The following RAPGEF1 variants were observed in gnomAD, a reference collection of about 807,000 sequenced individuals.
RAPGEF1 encodes the protein CRK SH3-binding GNRP.
In RAPGEF1, 33 loss-of-function variants were observed where a neutral mutation model predicts 143.3. That is an observed-to-expected ratio of 0.23 (90% CI 0.17 to 0.31). The LOEUF (loss-of-function observed/expected upper bound fraction) is 0.31. Ranked by LOEUF, RAPGEF1 falls within the 10% of genes least tolerant of loss-of-function variation. The pLI is 1.00. For missense variants in RAPGEF1, 1,199 were observed against 1,645.4 expected (o/e 0.73, Z 4.69); for synonymous variants, 629 against 676.5 (o/e 0.93, Z 1.09).
chr9:131,681,745 G>A (rs367564623), intron 1 of RAPGEF1, among the ~76,000 whole-genome samples: 19 of 152,118 alleles, frequency 1.2e-4, no homozygotes, highest in African/African-American at 3.1e-4. Context: ...TCATCATGCC[G>A]GATGATGCCA....
At chr9:131,717,724 A>C (rs1251268639) in intron 1 of RAPGEF1, among the ~76,000 whole-genome samples, 3 of 141,776 alleles carry the variant, frequency 2.1e-5, no homozygotes, top group African/African-American at 5.1e-5. Flanking sequence ...CCAAGACTGC[A>C]CCACTGCACT....
chr9:131,676,366 G>C (rs752363062), intron 1 of RAPGEF1, among the ~76,000 whole-genome samples: 1 of 152,208 alleles, frequency 6.6e-6, no homozygotes, highest in Non-Finnish European at 1.5e-5. Context: ...TCACCTGTGT[G>C]GGGGACTGAG....
Position 131,604,990 on chromosome 9 carries a change from C to T in RAPGEF1, c.2260G>A (p.Glu754Lys). Reference sequence around the variant, plus strand: ...ACAGTATTCCCATGAAAGCTGCTCTCCTGAGAAGCCGAGAGAGGCCCGTCC... The same window carrying T: ...ACAGTATTCCCATGAAAGCTGCTCTTCTGAGAAGCCGAGAGAGGCCCGTCC... ...TVDGPLSASQ[E>K]SSFHGNTVCL... is the part of the protein sequence containing the mutation. Residue 754 changes from glutamate to lysine, a missense_variant, in exon 13 of 27, where the codon GAG (glutamate) becomes AAG (lysine). By Grantham distance (56) the Glu-to-Lys change is moderately conservative. Coordinates refer to ENST00000683357, the MANE Select transcript of RAPGEF1 (RefSeq NM_001377935.1). 1 of 1,343,360 alleles carries T rather than the reference C, an allele frequency of 7.4e-7. No homozygotes were observed. The highest frequency in any genetic ancestry group is 9.9e-7 in the Non-Finnish European group (1 of 1,010,778). 83.2% of individuals were successfully genotyped at this position (1,343,360 alleles called of 1,614,324 possible).
chr9:131,615,471 C>A (rs1332930610), intron 12 of RAPGEF1, among the ~76,000 whole-genome samples: 1 of 152,170 alleles, frequency 6.6e-6, no homozygotes, highest in Non-Finnish European at 1.5e-5. Flanking sequence ...CGGTCTGAAG[C>A]CTGTGCAGGG....
intron 1 of RAPGEF1, chr9:131,709,757 T>C (rs1835374631): frequency 3.7e-6 from 6 of 1,608,042 alleles, no homozygotes; most frequent in Non-Finnish European, 5.1e-6. Flanking sequence ...ACCGAGTCAC[T>C]GGCTGAAAGG....
chr9:131,733,152 G>C (rs1837188870), intron 1 of RAPGEF1, among the ~76,000 whole-genome samples: 1 of 152,020 alleles, frequency 6.6e-6, no homozygotes, highest in African/African-American at 2.4e-5. Flanking sequence ...AAGCAGGAAG[G>C]ACTGCATTCA....
At chr9:131,582,576 G>T in intron 25 of RAPGEF1, 29 bp downstream of exon 25, 1 of 1,451,374 alleles carries the variant, frequency 6.9e-7, no homozygotes, top group Non-Finnish European at 9.1e-7. Context: ...CCCAGGCGGG[G>T]CTGGGGGCCT....
Position 131,578,558 on chromosome 9 carries a change from C to A in RAPGEF1, c.*939G>T, listed in dbSNP as rs1003874230. 7.9e-5 allele frequency: 12 copies of A among 152,528 alleles called. No homozygotes were observed. The highest frequency in any genetic ancestry group is 2.9e-4 in the African/African-American group (12 of 41,418). 9.4% of individuals were successfully genotyped at this position (152,528 alleles called of 1,614,324 possible). On this transcript the variant is annotated 3_prime_UTR_variant, in exon 27 of 27. Transcript: ENST00000683357. ...GGGAAAGCCAGGGGATGGGGAGGGA[C>A]ATGAGATGGAGTTTAAGGCACACAG...
rs6879 is a variant in RAPGEF1 at position 131,576,983 on chromosome 9, C to T, written c.*2514G>A. 28,283 of 151,492 alleles carry T rather than the reference C, an allele frequency of 0.19. 3,263 individuals carry two copies. The highest frequency in any genetic ancestry group is 0.32 in the Middle Eastern group (94 of 290). 9.4% of individuals were successfully genotyped at this position (151,492 alleles called of 1,614,324 possible). On this transcript the variant is annotated 3_prime_UTR_variant, in exon 27 of 27. Coordinates refer to ENST00000683357, the MANE Select transcript of RAPGEF1 (RefSeq NM_001377935.1). ...GTGTGCCTGCCCCTCCTTGCCCCCCCACACCCCGACACCTGCAGGTGAGGA... is the reference window on the plus strand; with the variant it reads ...GTGTGCCTGCCCCTCCTTGCCCCCCTACACCCCGACACCTGCAGGTGAGGA...
intron 10 of RAPGEF1, among the ~76,000 whole-genome samples, chr9:131,625,444 C>A (rs1357256156): frequency 1.3e-5 from 2 of 152,140 alleles, no homozygotes; most frequent in African/African-American, 4.8e-5. Context: ...CTGGGCAACC[C>A]CAGCTTCCAA....
chr9:131,703,682 A>C (rs941373635), intron 1 of RAPGEF1, among the ~76,000 whole-genome samples: 2 of 152,222 alleles, frequency 1.3e-5, no homozygotes, highest in African/African-American at 2.4e-5. Flanking sequence ...AAGAAATTCA[A>C]CACCATAAAA....
At chr9:131,634,280 A>G (rs566952016) in intron 5 of RAPGEF1, among the ~76,000 whole-genome samples, 1 of 152,258 alleles carries the variant, frequency 6.6e-6, no homozygotes, top group South Asian at 2.1e-4. Flanking sequence ...AGACTACTCT[A>G]GAGTCTATGT....
chr9:131,668,485 A>G (rs1189780506), intron 1 of RAPGEF1, among the ~76,000 whole-genome samples: 5 of 152,196 alleles, frequency 3.3e-5, no homozygotes, highest in Non-Finnish European at 7.3e-5. Context: ...TCTTATTACC[A>G]CTAAACAGAT....
In RAPGEF1 at chr9:131,580,250, C is replaced by T; in HGVS notation, c.3641+13G>A. ...TCAGCTCTGCCTGGTCCCCCCGGGG[C>T]AGTGGCACTCACGCCTGCTGGAAGC... On this transcript the variant is annotated intron_variant, in intron 26 of 26. Transcript: ENST00000683357. The T allele has an allele frequency of 6.2e-7, 1 of 1,613,684 alleles. No individual in the cohort carries two copies. Among genetic ancestry groups the T allele is most frequent in the Non-Finnish European group, 8.5e-7 (1 of 1,179,696 alleles).
chr9:131,689,388 G>C (rs563072677), intron 1 of RAPGEF1, among the ~76,000 whole-genome samples: 1 of 152,234 alleles, frequency 6.6e-6, no homozygotes, highest in Admixed American at 6.5e-5. Context: ...ACATATTCTG[G>C]AATGGCATTT....
intron 5 of RAPGEF1, among the ~76,000 whole-genome samples, chr9:131,633,711 T>C (rs1349236627): frequency 6.6e-6 from 1 of 152,218 alleles, no homozygotes; most frequent in Non-Finnish European, 1.5e-5. Context: ...TTGAAAAGAC[T>C]ATAAAAGGGG....
At chr9:131,728,681 A>T (rs1836828122) in intron 1 of RAPGEF1, among the ~76,000 whole-genome samples, 1 of 152,196 alleles carries the variant, frequency 6.6e-6, no homozygotes, top group Non-Finnish European at 1.5e-5. Context: ...AACCAGCCTA[A>T]AAGGAAATAC....
chr9:131,737,967 CAA>C (rs10712540), intron 1 of RAPGEF1, among the ~76,000 whole-genome samples: 3,947 of 137,464 alleles, frequency 0.029, 180 homozygotes, highest in African/African-American at 0.097. Context: ...GACTCCGTCT[CAA>C]AAAAAAAAAA....
intron 12 of RAPGEF1, among the ~76,000 whole-genome samples, chr9:131,609,028 A>G (rs1048549144): frequency 1.3e-5 from 2 of 152,188 alleles, no homozygotes; most frequent in African/African-American, 4.8e-5. Flanking sequence ...AGCCAGAATA[A>G]GACTGTTTGG....
Sources: gnomAD v4.1 joint callset for allele counts (sites outside exome capture counted in the v4.1 genomes callset) on GRCh38, gnomAD v4.1.1 for gene constraint, MANE v1.5 for transcripts, NCBI Gene and HGNC (gene_info 2026-07-23, HGNC 2026-07-21) for gene names.